ADGRG7: variants seen among roughly 807,000 people sequenced by gnomAD.
ADGRG7 encodes G-protein coupled receptor 128.
Under a neutral mutation model 88.6 loss-of-function variants are expected in ADGRG7, and 82 were observed. That is an observed-to-expected ratio of 0.93 (90% CI 0.77 to 1.11). The LOEUF is 1.11. Among genes scored for constraint, ADGRG7 ranks in the 50% most tolerant of loss-of-function variants. The probability of loss-of-function intolerance (pLI) is 0.00; values close to 1 mark genes in which losing one functional copy is unlikely to be tolerated. For synonymous variants in ADGRG7, 381 were observed against 345.2 expected (o/e 1.10, Z -1.15); for missense variants, 945 against 953.4 (o/e 0.99, Z 0.12).
At chr3:100,621,175 CACA>C (rs1299655586) in intron 1 of ADGRG7, among the ~76,000 whole-genome samples, 3 of 152,144 alleles carry the variant, frequency 2.0e-5, no homozygotes, top group South Asian at 2.1e-4. Context: ...TTCCCCGAGA[CACA>C]ACATCGTTGA....
At chr3:100,611,244 T>TTTCCTTCC (rs753816226) in intron 1 of ADGRG7, among the ~76,000 whole-genome samples, 740 of 64,794 alleles carry the variant, frequency 0.011, 10 homozygotes, top group African/African-American at 0.023. Flanking sequence ...TTTGTTTGTT[T>TTTCCTTCC]TTCCTTCCTT....
chr3:100,655,443 A>G (rs1475490922), intron 12 of ADGRG7, among the ~76,000 whole-genome samples: 1 of 152,206 alleles, frequency 6.6e-6, no homozygotes, highest in Non-Finnish European at 1.5e-5. Context: ...ATCTCTTTTT[A>G]TTAATTTGAT....
intron 14 of ADGRG7, among the ~76,000 whole-genome samples, chr3:100,668,476 G>A (rs1240498172): frequency 6.6e-6 from 1 of 152,176 alleles, no homozygotes; most frequent in Non-Finnish European, 1.5e-5. Context: ...ACTGGCCAAA[G>A]TAAGTCACAT....
rs370305796 is a variant in ADGRG7, at chr3:100,629,703, G to A, written c.221G>A (p.Cys74Tyr). Residue 74 changes from cysteine (C) to tyrosine (Y), a missense_variant, in exon 2 of 16, where the codon TGT becomes TAT. Physicochemically the swap from Cys to Tyr is radical, Grantham distance 194. Transcript: ENST00000273352. ...ICTEEWKGLR[C>Y]TIANFCENST... ...ACAGAAGAGTGGAAAGGACTGAGAT[G>A]TACAATTGGTAAATTACTTGGGATA... is the stretch of plus-strand genomic sequence containing the variant. 1 of 1,599,700 alleles carries A rather than the reference G, an allele frequency of 6.3e-7. No homozygotes were observed. Among genetic ancestry groups the A allele is most frequent in the Non-Finnish European group, 8.6e-7 (1 of 1,167,196 alleles).
At chr3:100,683,862 T>C (rs1205731874) in intron 15 of ADGRG7, among the ~76,000 whole-genome samples, 4 of 152,254 alleles carry the variant, frequency 2.6e-5, no homozygotes, top group Non-Finnish European at 2.9e-5. Flanking sequence ...CTTTAACTTG[T>C]TCATCAAAGA....
At chr3:100,691,863 C>G (rs918361210) in intron 15 of ADGRG7, among the ~76,000 whole-genome samples, 1 of 152,106 alleles carries the variant, frequency 6.6e-6, no homozygotes, top group African/African-American at 2.4e-5. Flanking sequence ...ATACTCTTCT[C>G]ATCTCCTCAA....
chr3:100,646,217 C>CGGG, intron 9 of ADGRG7, 109 bp downstream of exon 9: 6 of 57,562 alleles, frequency 1.0e-4, no homozygotes, highest in Non-Finnish European at 1.8e-4. Flanking sequence ...AATAGGAGGG[C>CGGG]GGGGGGGAGG....
intron 14 of ADGRG7, 25 bp downstream of exon 14, chr3:100,659,868 C>G (rs200285588): frequency 3.7e-6 from 6 of 1,609,212 alleles, no homozygotes; most frequent in Non-Finnish European, 4.2e-6. Context: ...GAATGGGAAG[C>G]TGCCAGGCAA....
At chr3:100,689,524 T>C (rs1156602334) in intron 15 of ADGRG7, among the ~76,000 whole-genome samples, 1 of 152,236 alleles carries the variant, frequency 6.6e-6, no homozygotes, top group East Asian at 1.9e-4. Flanking sequence ...GGTTATTCCT[T>C]TCCATATTTA....
rs1052007941 is a variant in ADGRG7 at position 100,669,066 on chromosome 3, C to T, written c.2097C>T (p.Ile699=). The part of the protein sequence containing the change: ...LMLVNDDSIR[I]VFSYIFCLFN... ...TAGTTAATGATGATAGCATCAGGATCGTCTTCAGCTACATATTCTGCCTTT... is the reference window on the plus strand; with the variant it reads ...TAGTTAATGATGATAGCATCAGGATTGTCTTCAGCTACATATTCTGCCTTT... Residue 699 remains isoleucine, a synonymous_variant, in exon 15 of 16, where the codon ATC becomes ATT. Coordinates refer to ENST00000273352, the MANE Select transcript of ADGRG7 (RefSeq NM_032787.3). The T allele has an allele frequency of 6.3e-6, 10 of 1,596,386 alleles. No homozygotes were observed. The Admixed American group carries it at 7.0e-5, about 11-fold the overall frequency.
Position 100,630,735 on chromosome 3 carries a change from GT to G in ADGRG7, c.264del (p.Phe88LeufsTer42). 1.4e-6 allele frequency: 2 copies of G among 1,466,696 alleles called. No homozygotes were observed. Among genetic ancestry groups the G allele is most frequent in the Non-Finnish European group, 1.8e-6 (2 of 1,107,030 alleles). 90.9% of individuals were successfully genotyped at this position (1,466,696 alleles called of 1,614,324 possible). Reference sequence around the variant, plus strand: ...TTTTGTGAAAATAGTACCTATATGGGTTTTACTTTTGCCAGAATCCCAGTGG... The same window carrying G: ...TTTTGTGAAAATAGTACCTATATGGGTTTACTTTTGCCAGAATCCCAGTGG... The part of the protein sequence containing the change: ...ANFCENSTYM[G>X]FTFARIPVGR... On this transcript the variant is annotated frameshift_variant, in exon 3 of 16. Coordinates refer to ENST00000273352, the MANE Select transcript of ADGRG7 (RefSeq NM_032787.3). LOFTEE classifies it high-confidence loss of function.
chr3:100,666,731 C>G (rs1302735136), intron 14 of ADGRG7, among the ~76,000 whole-genome samples: 2 of 152,094 alleles, frequency 1.3e-5, no homozygotes, highest in African/African-American at 4.8e-5. Flanking sequence ...TCCCTTCCCA[C>G]GAGGCCATAT....
chr3:100,672,635 A>C (rs1409252128), intron 15 of ADGRG7, among the ~76,000 whole-genome samples: 1 of 152,142 alleles, frequency 6.6e-6, no homozygotes, highest in Non-Finnish European at 1.5e-5. Flanking sequence ...GTCTTGTGCC[A>C]GTTTTCAAAG....
intron 4 of ADGRG7, 102 bp downstream of exon 4, chr3:100,633,479 C>T: frequency 2.0e-6 from 1 of 506,174 alleles, no homozygotes; most frequent in Non-Finnish European, 3.4e-6. Flanking sequence ...TTTTAAAACT[C>T]TCAAATTAGT....
At chr3:100,688,189 T>G (rs1367169427) in intron 15 of ADGRG7, among the ~76,000 whole-genome samples, 5 of 152,234 alleles carry the variant, frequency 3.3e-5, no homozygotes, top group Non-Finnish European at 7.3e-5. Flanking sequence ...TATTCTCTGA[T>G]GCTAGTTTGT....
chr3:100,628,752 C>T (rs1475359212), intron 1 of ADGRG7, among the ~76,000 whole-genome samples: 1 of 152,116 alleles, frequency 6.6e-6, no homozygotes, highest in Non-Finnish European at 1.5e-5. Flanking sequence ...GTCATTAGAT[C>T]CTAACAATTC....
In ADGRG7 at chr3:100,694,910, C is replaced by T. The variant is rs79517280; in HGVS notation, c.2303C>T (p.Thr768Ile). The change falls in exon 16 of 16, where the codon ACC (threonine) becomes ATC (isoleucine). Residue 768 changes from threonine (T) to isoleucine (I), a missense_variant. Transcript: ENST00000273352. The part of the protein sequence containing the change: ...KMYNFLRSLP[T>I]LHERFRLLET... ...TATAATTTCCTCAGGTCATTGCCAA[C>T]CTTACATGAACGCTTTAGGCTACTG... 1 of 1,614,006 alleles carries T rather than the reference C, an allele frequency of 6.2e-7. No homozygotes were observed. Among genetic ancestry groups the T allele is most frequent in the African/African-American group, 1.3e-5 (1 of 74,902 alleles).
chr3:100,636,235 T>A (rs927934920), intron 5 of ADGRG7, among the ~76,000 whole-genome samples: 2 of 152,180 alleles, frequency 1.3e-5, no homozygotes, highest in Non-Finnish European at 2.9e-5. Flanking sequence ...GCTATCACAT[T>A]AAGTCTTTTA....
chr3:100,691,002 T>C (rs1278946628), intron 15 of ADGRG7, among the ~76,000 whole-genome samples: 3 of 152,230 alleles, frequency 2.0e-5, no homozygotes, highest in Admixed American at 1.3e-4. Context: ...TGAGCTGTGG[T>C]GGGCTCCACC....
Sources: allele counts gnomAD v4.1 joint callset (sites outside exome capture counted in the v4.1 genomes callset), GRCh38; gene constraint gnomAD v4.1.1; transcripts MANE v1.5; gene names NCBI Gene and HGNC (gene_info 2026-07-23, HGNC 2026-07-21).